The following MDGA2 variants were observed in gnomAD, a reference collection of about 807,000 sequenced individuals.
The protein encoded by MDGA2 is MAM domain-containing glycosylphosphatidylinositol anchor protein 2.
In MDGA2, 40 loss-of-function variants were observed where a neutral mutation model predicts 117.8. The ratio of observed to expected loss-of-function variants is 0.34; its 90% confidence interval spans 0.26 to 0.44. The LOEUF is 0.44. MDGA2 is among the 20% of genes least tolerant of loss of function. The probability of loss-of-function intolerance (pLI) is 1.00; values close to 1 mark genes in which losing one functional copy is unlikely to be tolerated. For synonymous variants in MDGA2, 452 were observed against 439.0 expected, an observed-to-expected ratio of 1.03 and a Z score of -0.37; for missense variants, 1,123 against 1,250.6, an observed-to-expected ratio of 0.90 and a Z score of 1.54.
chr14:47,461,647 G>A (rs1893488829), intron 1 of MDGA2, among the ~76,000 whole-genome samples: 2 of 151,710 alleles, frequency 1.3e-5, no homozygotes, highest in African/African-American at 4.8e-5. Context: ...GGATTACAGA[G>A]TGAACCATAA....
intron 14 of MDGA2, among the ~76,000 whole-genome samples, chr14:46,869,351 CTTTTTTT>C (rs35619816): frequency 5.0e-5 from 6 of 119,132 alleles, no homozygotes; most frequent in East Asian, 2.8e-4. Flanking sequence ...CTATGAGATT[CTTTTTTT>C]TTTTTTTTTT....
chr14:47,629,568 T>A (rs1897216162), intron 1 of MDGA2, among the ~76,000 whole-genome samples: 2 of 152,184 alleles, frequency 1.3e-5, no homozygotes, highest in Non-Finnish European at 1.5e-5. Context: ...AGAATGAAGT[T>A]GTAACTAGTT....
chr14:46,931,519 T>C (rs1411538522), intron 9 of MDGA2, among the ~76,000 whole-genome samples: 1 of 106,728 alleles, frequency 9.4e-6, no homozygotes, highest in Non-Finnish European at 1.9e-5. Context: ...TTTTAGTTTA[T>C]TTTTGCTTTT....
chr14:47,031,794 C>G (rs1399408296), intron 8 of MDGA2, among the ~76,000 whole-genome samples: 1 of 152,118 alleles, frequency 6.6e-6, no homozygotes, highest in Non-Finnish European at 1.5e-5. Flanking sequence ...ATGTGTAGCA[C>G]CTCCCAGGTT....
At chr14:47,509,926 T>C (rs1894603566) in intron 1 of MDGA2, among the ~76,000 whole-genome samples, 1 of 152,236 alleles carries the variant, frequency 6.6e-6, no homozygotes, top group Non-Finnish European at 1.5e-5. Flanking sequence ...TTAGTGTTGA[T>C]GCTGGGAAGA....
At chr14:46,874,530 C>T (rs1882146815) in intron 12 of MDGA2, among the ~76,000 whole-genome samples, 2 of 151,720 alleles carry the variant, frequency 1.3e-5, no homozygotes, top group South Asian at 4.2e-4. Flanking sequence ...TTCATTTTGT[C>T]AGTATAGAAA....
At chr14:47,496,759 A>G (rs887721722) in intron 1 of MDGA2, among the ~76,000 whole-genome samples, 1 of 150,328 alleles carries the variant, frequency 6.7e-6, no homozygotes, top group African/African-American at 2.4e-5. Flanking sequence ...TCAGTAATCT[A>G]TACATTTTAC....
chr14:47,597,420 T>G (rs965879596), intron 1 of MDGA2, among the ~76,000 whole-genome samples: 2 of 152,068 alleles, frequency 1.3e-5, no homozygotes, highest in African/African-American at 4.8e-5. Context: ...TCCAGCAAAT[T>G]CACCAAAATT....
intron 5 of MDGA2, among the ~76,000 whole-genome samples, chr14:47,112,730 G>A (rs879157870): frequency 1.3e-5 from 2 of 152,142 alleles, no homozygotes; most frequent in Non-Finnish European, 2.9e-5. Context: ...ATAATAGAAT[G>A]ATTTATATTC....
chr14:47,494,142 G>C (rs1894230344), intron 1 of MDGA2, among the ~76,000 whole-genome samples: 1 of 152,136 alleles, frequency 6.6e-6, no homozygotes. Flanking sequence ...ATGATTGTAA[G>C]TTTCCTGAGG....
Position 47,674,973 on chromosome 14 carries a change from C to T in MDGA2, c.-177G>A. The T allele has an allele frequency of 2.5e-6, 1 of 403,578 alleles. No individual in the cohort carries two copies. Among genetic ancestry groups the T allele is most frequent in the Non-Finnish European group, 4.3e-6 (1 of 230,128 alleles). 25.0% of individuals were successfully genotyped at this position (403,578 alleles called of 1,614,324 possible). The stretch of plus-strand genomic sequence containing the variant: ...GCGAAGTGTTCTTCAGGGAAGCGGG[C>T]TCGAGTCTCCGCAGCTGCGGCGGCG... On this transcript the variant is annotated 5_prime_UTR_variant, in exon 1 of 17. Transcript: ENST00000399232.
intron 11 of MDGA2, among the ~76,000 whole-genome samples, chr14:46,879,418 C>T (rs1415721355): frequency 6.6e-6 from 1 of 152,032 alleles, no homozygotes; most frequent in Non-Finnish European, 1.5e-5. Context: ...TACATTGCCT[C>T]TAAACCATTA....
chr14:47,496,448 T>G (rs1894282882), intron 1 of MDGA2, among the ~76,000 whole-genome samples: 1 of 152,106 alleles, frequency 6.6e-6, no homozygotes. Context: ...CAGGCTATGT[T>G]GCCCAGACTG....
chr14:47,490,602 A>T (rs1055164338), intron 1 of MDGA2, among the ~76,000 whole-genome samples: 2 of 152,140 alleles, frequency 1.3e-5, no homozygotes, highest in Non-Finnish European at 2.9e-5. Context: ...CATATTGGCG[A>T]GCATAAAAGG....
Position 47,551,789 on chromosome 14 carries a change from AT to A in MDGA2, c.280+122727del, listed in dbSNP as rs925997845. Reference sequence around the variant, plus strand: ...AAAGAATTTGTAGCCATATTTAAGAATTTTTTTTTTCATGTAATACTTACGA... The same window carrying A: ...AAAGAATTTGTAGCCATATTTAAGAATTTTTTTTTCATGTAATACTTACGA... On this transcript the variant is annotated intron_variant, in intron 1 of 16. Coordinates refer to ENST00000399232, the MANE Select transcript of MDGA2 (RefSeq NM_001113498.3). Among the ~76,000 whole-genome samples, 482 of 151,128 alleles carry A rather than the reference AT, an allele frequency of 3.2e-3. 2 individuals carry two copies. The highest frequency in any genetic ancestry group is 1.0e-2 in the African/African-American group (411 of 41,222).
In MDGA2 at chr14:47,614,018, C is replaced by T. The variant is rs569863822; in HGVS notation, c.280+60499G>A. Among the ~76,000 whole-genome samples, 81 of 151,212 alleles carry T rather than the reference C, an allele frequency of 5.4e-4. 2 individuals are homozygous for T. In the South Asian group the frequency reaches 0.014, roughly 27 times the overall value. ...TTTAGAAGTTATGATAAACTTTTCC[C>T]GGACAAAAATCAATTTTCCCCATAA... On this transcript the variant is annotated intron_variant, in intron 1 of 16. Coordinates refer to ENST00000399232, the MANE Select transcript of MDGA2 (RefSeq NM_001113498.3).
chr14:47,563,770 C>T (rs532967874), intron 1 of MDGA2, among the ~76,000 whole-genome samples: 3 of 151,736 alleles, frequency 2.0e-5, no homozygotes, highest in South Asian at 4.2e-4. Context: ...AAGTTAATAT[C>T]GATATATACA....
chr14:47,667,108 C>T (rs527429036), intron 1 of MDGA2, among the ~76,000 whole-genome samples: 21 of 152,322 alleles, frequency 1.4e-4, no homozygotes, highest in South Asian at 1.2e-3. Flanking sequence ...CCACCAATTC[C>T]GGACACATTA....
In MDGA2 at chr14:47,402,350, C is replaced by CA. The variant is rs200020346; in HGVS notation, c.281-100801dup. 4.7e-5 allele frequency among the ~76,000 whole-genome samples: 5 copies of CA among 106,282 alleles called. No individual in the cohort carries two copies. The East Asian group carries it at 7.2e-4, about 15-fold the overall frequency. 69.7% of individuals were successfully genotyped at this position (106,282 alleles called of 152,430 possible). ...CAGAAACCCCCGCCCCCCCACCCCG[C>CA]AAAAAAAAGAGAGAGAGAGACAAAA... On this transcript the variant is annotated intron_variant, in intron 1 of 16. Coordinates refer to ENST00000399232, the MANE Select transcript of MDGA2 (RefSeq NM_001113498.3).
Sources: allele counts gnomAD v4.1 joint callset (sites outside exome capture counted in the v4.1 genomes callset), GRCh38; gene constraint gnomAD v4.1.1; transcripts MANE v1.5; gene names NCBI Gene and HGNC (gene_info 2026-07-23, HGNC 2026-07-21).